IL1RAPL1: variants seen among roughly 807,000 people sequenced by gnomAD.
IL1RAPL1 encodes the protein interleukin-1 receptor accessory protein-like 1.
Under a neutral mutation model 48.4 loss-of-function variants are expected in IL1RAPL1, and 3 were observed. The observed-to-expected ratio is 0.06, with a 90% CI of 0.03 to 0.16. The LOEUF is 0.16. IL1RAPL1 is among the 10% of genes least tolerant of loss of function. IL1RAPL1 has a pLI of 1.00. For synonymous variants in IL1RAPL1, 185 were observed against 187.7 expected (o/e 0.99, Z 0.12); for missense variants, 349 against 530.6 (o/e 0.66, Z 3.36).
intron 5 of IL1RAPL1, among the ~76,000 whole-genome samples, chrX:29,426,603 G>A (rs1934353430): frequency 9.0e-6 from 1 of 111,681 alleles, no homozygotes; most frequent in Non-Finnish European, 1.9e-5. Flanking sequence ...TTCTTCATCT[G>A]AAATGTAAAG....
intron 2 of IL1RAPL1, among the ~76,000 whole-genome samples, chrX:29,242,676 C>T (rs1230236644): frequency 8.9e-6 from 1 of 111,807 alleles, no homozygotes; most frequent in Non-Finnish European, 1.9e-5. Flanking sequence ...CAAAGTATAA[C>T]GAATAGCATT....
intron 6 of IL1RAPL1, among the ~76,000 whole-genome samples, chrX:29,785,836 C>G (rs770385601): frequency 2.3e-4 from 26 of 111,327 alleles, no homozygotes; most frequent in Non-Finnish European, 4.0e-4. Flanking sequence ...AGACCAAGCT[C>G]TGGTGACAGA....
Position 29,955,916 on chromosome X carries a change from T to C in IL1RAPL1, c.*96T>C. ...CCTCGACTGCTGCTGTTAAAAAACATGCATTAGAATCTCTAGAACACGAGG... is the reference window on the plus strand; with the variant it reads ...CCTCGACTGCTGCTGTTAAAAAACACGCATTAGAATCTCTAGAACACGAGG... On this transcript the variant is annotated 3_prime_UTR_variant, in exon 11 of 11. Transcript: ENST00000378993. The C allele has an allele frequency of 1.5e-6, 1 of 675,899 alleles. No individual in the cohort carries two copies. Among genetic ancestry groups the C allele is most frequent in the Non-Finnish European group, 2.4e-6 (1 of 416,034 alleles). The allele number at this position is 675,899 out of a possible 1,213,427, so 55.7% of individuals were successfully genotyped here.
intron 2 of IL1RAPL1, among the ~76,000 whole-genome samples, chrX:29,013,939 A>G (rs1047803034): frequency 5.4e-5 from 6 of 111,957 alleles, no homozygotes; most frequent in Non-Finnish European, 9.4e-5. Context: ...ATTTTTGGGT[A>G]TGCTCAAGGC....
At chrX:29,536,029 T>C (rs1041304281) in intron 5 of IL1RAPL1, among the ~76,000 whole-genome samples, 2 of 112,042 alleles carry the variant, frequency 1.8e-5, no homozygotes, top group African/African-American at 6.5e-5. Flanking sequence ...TTGTAACCAA[T>C]GGTTAACAAT....
intron 5 of IL1RAPL1, among the ~76,000 whole-genome samples, chrX:29,443,131 A>G (rs1411952579): frequency 1.6e-4 from 18 of 110,361 alleles, no homozygotes; most frequent in Admixed American, 1.4e-3. Context: ...AATCATATAT[A>G]TGGAAACTCT....
At chrX:29,513,347 A>G (rs150024977) in intron 5 of IL1RAPL1, among the ~76,000 whole-genome samples, 1,441 of 111,604 alleles carry the variant, frequency 0.013, 33 homozygotes, top group African/African-American at 0.045. Context: ...TGCATTCTGA[A>G]CACTTTTATG....
At position 29,165,590 on chromosome X, in the gene IL1RAPL1, T is replaced by C. The variant is rs780072694; in HGVS notation, c.83-117348T>C. Among the ~76,000 whole-genome samples the C allele has an allele frequency of 5.5e-4, 62 of 111,787 alleles. 2 individuals carry two copies. In the South Asian group the frequency reaches 0.023, roughly 41 times the overall value. On this transcript the variant is annotated intron_variant, in intron 2 of 10. Transcript: ENST00000378993. ...CATCTAGTAGAATCCTTCCGTGGAA[T>C]AGATATTAAAATAAAAACTCATATT... is the stretch of plus-strand genomic sequence containing the variant.
chrX:29,161,457 G>A (rs182032829), intron 2 of IL1RAPL1, among the ~76,000 whole-genome samples: 186 of 112,260 alleles, frequency 1.7e-3, no homozygotes, highest in African/African-American at 5.6e-3. Context: ...ATTAGGAATA[G>A]ATGTTTCCTA....
At chrX:29,918,604 A>G (rs1932822830) in intron 7 of IL1RAPL1, among the ~76,000 whole-genome samples, 1 of 111,151 alleles carries the variant, frequency 9.0e-6, no homozygotes, top group South Asian at 3.8e-4. Context: ...GTATTTTTAC[A>G]TATTTGAGCC....
chrX:28,668,345 G>T (rs952989854), intron 1 of IL1RAPL1, among the ~76,000 whole-genome samples: 3 of 110,996 alleles, frequency 2.7e-5, no homozygotes, highest in Non-Finnish European at 1.9e-5. Flanking sequence ...TGCAACCTCT[G>T]CCTCCTGGGT....
At chrX:28,606,680 C>A (rs991136609) in intron 1 of IL1RAPL1, among the ~76,000 whole-genome samples, 1 of 111,522 alleles carries the variant, frequency 9.0e-6, no homozygotes, top group African/African-American at 3.3e-5. Context: ...AGATGATATT[C>A]TCTAATAAGG....
intron 2 of IL1RAPL1, among the ~76,000 whole-genome samples, chrX:29,168,914 T>C (rs912969949): frequency 2.1e-5 from 2 of 94,628 alleles, no homozygotes; most frequent in African/African-American, 7.6e-5. Flanking sequence ...TGTATATATA[T>C]TCATATGTAC....
intron 2 of IL1RAPL1, among the ~76,000 whole-genome samples, chrX:28,973,025 A>G (rs2147370186): frequency 8.9e-6 from 1 of 111,811 alleles, no homozygotes; most frequent in Non-Finnish European, 1.9e-5. Context: ...GATAACATCT[A>G]CTAATCTCTC....
intron 2 of IL1RAPL1, among the ~76,000 whole-genome samples, chrX:29,219,545 G>A (rs1930935772): frequency 9.0e-6 from 1 of 111,482 alleles, no homozygotes; most frequent in Admixed American, 9.6e-5. Context: ...GACTAGTAGA[G>A]AGGGGAGAGG....
intron 2 of IL1RAPL1, among the ~76,000 whole-genome samples, chrX:28,856,938 T>A (rs951072693): frequency 2.7e-5 from 3 of 112,144 alleles, no homozygotes; most frequent in Non-Finnish European, 3.8e-5. Context: ...TGAGATAAGG[T>A]GAAATCTAGG....
chrX:29,420,206 T>A (rs897093965), intron 5 of IL1RAPL1, among the ~76,000 whole-genome samples: 2 of 112,148 alleles, frequency 1.8e-5, no homozygotes, highest in Non-Finnish European at 3.8e-5. Flanking sequence ...TTAAATTAAA[T>A]CACTGAAATG....
chrX:29,336,210 C>T (rs1474951489), intron 3 of IL1RAPL1, among the ~76,000 whole-genome samples: 1 of 98,627 alleles, frequency 1.0e-5, no homozygotes, highest in African/African-American at 3.7e-5. Context: ...TATATGTACA[C>T]ACATACACCT....
chrX:29,042,672 G>A (rs1206628908), intron 2 of IL1RAPL1, among the ~76,000 whole-genome samples: 2 of 111,363 alleles, frequency 1.8e-5, no homozygotes, highest in Non-Finnish European at 1.9e-5. Context: ...AGACAAAAGC[G>A]TTCCTCCTTT....
Sources: allele counts gnomAD v4.1 joint callset (sites outside exome capture counted in the v4.1 genomes callset), GRCh38; gene constraint gnomAD v4.1.1; transcripts MANE v1.5; gene names NCBI Gene and HGNC (gene_info 2026-07-23, HGNC 2026-07-21).